MZT2B: variants seen among roughly 807,000 people sequenced by gnomAD.
MZT2B encodes mitotic spindle organizing protein 2B.
A neutral mutation model predicts 12.1 loss-of-function variants in MZT2B; 11 were observed. That is an observed-to-expected ratio of 0.91 (90% CI 0.57 to 1.50). The LOEUF is 1.50. MZT2B is among the 40% of genes most tolerant of loss of function. The probability of loss-of-function intolerance (pLI) is 0.00; values close to 1 mark genes in which losing one functional copy is unlikely to be tolerated. For synonymous variants in MZT2B, 85 were observed against 109.5 expected (o/e 0.78, Z 1.40); for missense variants, 209 against 227.7 (o/e 0.92, Z 0.53).
chr2:130,190,343 C>T (rs1440140845), intron 2 of MZT2B, 126 bp from the exon 3 acceptor site: 2 of 1,409,556 alleles, frequency 1.4e-6, no homozygotes, highest in Non-Finnish European at 1.9e-6. Flanking sequence ...TGATGCAGGG[C>T]CTCTAGCTGA....
chr2:130,181,872 C>T (rs1334424210), upstream of MZT2B: 7 of 1,528,642 alleles, frequency 4.6e-6, no homozygotes, highest in Admixed American at 1.4e-4. Context: ...TTCCCCCCGC[C>T]CGCCCCGAAA....
the MZT2B span, among the ~76,000 whole-genome samples, chr2:130,200,844 G>A: frequency 0.036 from 5,551 of 152,268 alleles, 114 homozygotes; most frequent in Non-Finnish European, 0.056. Context: ...CCAAGCCTCA[G>A]CCTTCCTTGT....
chr2:130,181,807 C>A (rs753408431), upstream of MZT2B: 6 of 1,545,968 alleles, frequency 3.9e-6, no homozygotes, highest in Admixed American at 7.9e-5. Flanking sequence ...GGTACTTTCT[C>A]CCCAGCAAGG....
At chr2:130,186,272 G>A (rs577457650) in intron 2 of MZT2B, among the ~76,000 whole-genome samples, 271 of 152,188 alleles carry the variant, frequency 1.8e-3, no homozygotes, top group African/African-American at 6.3e-3. Flanking sequence ...AGGCACCCTG[G>A]GTCCTCTGGA....
chr2:130,193,930 C>G, downstream of MZT2B: 2 of 1,614,240 alleles, frequency 1.2e-6, no homozygotes, highest in Non-Finnish European at 8.5e-7. Flanking sequence ...GAGGGTCACA[C>G]TTGACCATCT....
chr2:130,182,477 A>G (rs1430033918), intron 1 of MZT2B, 25 bp downstream of exon 1: 1 of 1,540,998 alleles, frequency 6.5e-7, no homozygotes, highest in Non-Finnish European at 8.8e-7. Context: ...TGGGGGCCGC[A>G]TGCTAGCCAG....
chr2:130,200,385 T>C, the MZT2B span, among the ~76,000 whole-genome samples: 2 of 134,462 alleles, frequency 1.5e-5, no homozygotes, highest in African/African-American at 5.3e-5. Flanking sequence ...AGCGAGACTC[T>C]GTCTCAAAAA....
At position 130,183,677 on chromosome 2, in the gene MZT2B, G is replaced by C. The variant is rs1333174340; in HGVS notation, c.319+902G>C. On this transcript the variant is annotated intron_variant, in intron 2 of 2. Coordinates refer to ENST00000281871, the MANE Select transcript of MZT2B (RefSeq NM_025029.5). ...GCTGCCTTCATGGGGGGAGTGCCAG[G>C]GCCTGGGCACCCACACCCGCTGACC... 1.1e-5 allele frequency: 17 copies of C among 1,536,122 alleles called. 1 individual carries two copies. In the South Asian group the frequency reaches 2.0e-4, roughly 18 times the overall value.
intron 2 of MZT2B, chr2:130,182,991 AG>A (rs1689837655): frequency 1.2e-6 from 1 of 845,268 alleles, no homozygotes; most frequent in Admixed American, 3.0e-5. Context: ...TGCGTACCCC[AG>A]GGTGGTCCAG....
At chr2:130,183,085 T>C in intron 2 of MZT2B, 1 of 513,750 alleles carries the variant, frequency 1.9e-6, no homozygotes, top group Non-Finnish European at 3.4e-6. Flanking sequence ...CAAGACAGTT[T>C]GGGGCTGGGC....
At chr2:130,183,535 GCT>G (rs951783977) in intron 2 of MZT2B, 7 of 620,094 alleles carry the variant, frequency 1.1e-5, no homozygotes, top group Admixed American at 7.7e-5. Context: ...GCTCCCGATG[GCT>G]CTCTCTGAAA....
the MZT2B span, among the ~76,000 whole-genome samples, chr2:130,203,048 C>CTTTTTTTTTTTTTTTTTTTTT: frequency 3.4e-5 from 4 of 118,528 alleles, no homozygotes; most frequent in African/African-American, 9.0e-5. Flanking sequence ...TTTCTTTTTT[C>CTTTTTTTTTTTTTTTTTTTTT]TTTTTTTTTT....
At chr2:130,194,607 A>G (rs1690359735), downstream of MZT2B, 1 of 1,106,404 alleles carries the variant, frequency 9.0e-7, no homozygotes, top group Admixed American at 2.9e-5. Flanking sequence ...TACACTTTGA[A>G]GCAAAGAAAA....
At chr2:130,184,453 C>T (rs1689976756) in intron 2 of MZT2B, 2 of 985,460 alleles carry the variant, frequency 2.0e-6, no homozygotes, top group Non-Finnish European at 2.4e-6. Context: ...AGCACTCAGC[C>T]CCCTTGCCCA....
At chr2:130,197,574 C>T in the MZT2B span, among the ~76,000 whole-genome samples, 1,637 of 124,116 alleles carry the variant, frequency 0.013, 63 homozygotes, top group African/African-American at 0.044. Context: ...GCTATTCAGA[C>T]TTGGGACTTG....
chr2:130,199,994 G>T, the MZT2B span, among the ~76,000 whole-genome samples: 3 of 152,082 alleles, frequency 2.0e-5, no homozygotes, highest in African/African-American at 7.2e-5. Context: ...TACTTGGGAG[G>T]CTGAGGTAGG....
At chr2:130,192,051 A>C, downstream of MZT2B, 1 of 1,614,112 alleles carries the variant, frequency 6.2e-7, no homozygotes, top group Non-Finnish European at 8.5e-7. Flanking sequence ...GGTGTTGCTC[A>C]GCATGCACAC....
intron 2 of MZT2B, 105 bp from the exon 3 acceptor site, chr2:130,190,364 A>T: frequency 1.3e-6 from 2 of 1,525,324 alleles, no homozygotes; most frequent in Non-Finnish European, 8.9e-7. Context: ...AGGGACTTTG[A>T]TGGAAATGTG....
chr2:130,201,587 C>T, the MZT2B span, among the ~76,000 whole-genome samples: 17 of 148,258 alleles, frequency 1.1e-4, no homozygotes, highest in East Asian at 9.7e-4. Context: ...CTAATATTGG[C>T]GGGGGGGGAC....
Sources: gnomAD v4.1 joint callset for allele counts (sites outside exome capture counted in the v4.1 genomes callset) on GRCh38, gnomAD v4.1.1 for gene constraint, MANE v1.5 for transcripts, NCBI Gene and HGNC (gene_info 2026-07-23, HGNC 2026-07-21) for gene names.